The following ZDHHC18 variants were observed in gnomAD, a reference collection of about 807,000 sequenced individuals.
ZDHHC18 encodes palmitoyltransferase ZDHHC18.
A neutral mutation model predicts 37.5 loss-of-function variants in ZDHHC18; 23 were observed. The ratio of observed to expected loss-of-function variants is 0.61; its 90% CI spans 0.44 to 0.87. ZDHHC18 has a LOEUF of 0.87. Ranked by LOEUF, ZDHHC18 falls within the 40% of genes least tolerant of loss-of-function variation. The pLI, the probability that ZDHHC18 is intolerant of heterozygous loss-of-function variation, is 0.00. For missense variants in ZDHHC18, 406 were observed against 525.6 expected (o/e 0.77, Z 2.22); for synonymous variants, 185 against 218.7 (o/e 0.85, Z 1.36).
At chr1:26,842,508 T>C (rs1304158408) in intron 2 of ZDHHC18, among the ~76,000 whole-genome samples, 1 of 152,256 alleles carries the variant, frequency 6.6e-6, no homozygotes, top group Non-Finnish European at 1.5e-5. Flanking sequence ...TCATTAGCTA[T>C]TCTACCTGTT....
In ZDHHC18 at chr1:26,852,854, C is replaced by G. The variant is rs1401362749; in HGVS notation, c.1038C>G (p.Pro346=). 2 of 1,613,926 alleles carry G rather than the reference C, an allele frequency of 1.2e-6. No homozygotes were observed. The highest frequency in any genetic ancestry group is 2.2e-5 in the South Asian group (2 of 91,084). The change falls in exon 7 of 8, where the codon CCC becomes CCG. Residue 346 remains proline (P), a synonymous_variant. Coordinates refer to ENST00000374142, the MANE Select transcript of ZDHHC18 (RefSeq NM_032283.3). The part of the protein sequence containing the change: ...ITNCCAVLCG[P]LPPSLIDRRG... ...ACTGCTGTGCTGTGCTCTGTGGCCCCCTACCTCCCAGGTAAGTGAGCGGGG... is the reference window on the plus strand; with the variant it reads ...ACTGCTGTGCTGTGCTCTGTGGCCCGCTACCTCCCAGGTAAGTGAGCGGGG...
intron 2 of ZDHHC18, among the ~76,000 whole-genome samples, chr1:26,837,439 CAT>C (rs1304157738): frequency 1.2e-4 from 18 of 146,222 alleles, no homozygotes; most frequent in Admixed American, 1.1e-3. Context: ...ATATATTTAA[CAT>C]ATTTAATATA....
chr1:26,837,301 T>G (rs948290943), intron 2 of ZDHHC18, among the ~76,000 whole-genome samples: 2 of 147,278 alleles, frequency 1.4e-5, no homozygotes, highest in African/African-American at 4.9e-5. Flanking sequence ...ATATATTTAC[T>G]ACATATGTAT....
Position 26,826,946 on chromosome 1 carries a change from T to C in ZDHHC18, c.142T>C (p.Trp48Arg). The change falls in exon 1 of 8, where the codon TGG becomes CGG. Residue 48 changes from tryptophan to arginine, a missense_variant. Trp to Arg is a moderately radical substitution (Grantham distance 101). Coordinates refer to ENST00000374142, the MANE Select transcript of ZDHHC18 (RefSeq NM_032283.3). This position sits in a 1 kb window ranked among gnomAD's most constrained non-coding sequence, Gnocchi z 5.2. ...GCCCGCCGCCCCCGCCCCGCCGCGC[T>C]GGAGCAGCAGCGGCAGCGGCAGCGG... ...APPAAPAPPR[W>R]SSSGSGSGSG... The C allele has an allele frequency of 8.5e-7, 1 of 1,174,136 alleles. No individual in the cohort carries two copies. The allele number at this position is 1,174,136 out of a possible 1,614,324, so 72.7% of individuals were successfully genotyped here.
At position 26,855,180 on chromosome 1, in the gene ZDHHC18, G is replaced by A. The variant is rs1430308913; in HGVS notation, c.*1337G>A. On this transcript the variant is annotated 3_prime_UTR_variant, in exon 8 of 8. Transcript: ENST00000374142. ...CGTGGTGGGTGGGGTGATGGCTCTG[G>A]GGAGCGGCTGCCATCCTACAAGCCA... is the stretch of plus-strand genomic sequence containing the variant. The A allele has an allele frequency of 6.6e-6, 1 of 152,280 alleles. No homozygotes were observed. The highest frequency in any genetic ancestry group is 1.5e-5 in the Non-Finnish European group (1 of 68,094). 9.4% of individuals were successfully genotyped at this position (152,280 alleles called of 1,614,324 possible).
rs748911890 is a variant in ZDHHC18 at position 26,852,852 on chromosome 1, C to A, written c.1036C>A (p.Pro346Thr). The A allele has an allele frequency of 8.7e-6, 14 of 1,613,748 alleles. No homozygotes were observed. In the African/African-American group the frequency reaches 1.1e-4, roughly 12 times the overall value. The stretch of plus-strand genomic sequence containing the variant: ...CAACTGCTGTGCTGTGCTCTGTGGC[C>A]CCCTACCTCCCAGGTAAGTGAGCGG... ...ITNCCAVLCG[P>T]LPPSLIDRRG... The change falls in exon 7 of 8, where the codon CCC becomes ACC. Residue 346 changes from proline (P) to threonine (T), a missense_variant. Coordinates refer to ENST00000374142, the MANE Select transcript of ZDHHC18 (RefSeq NM_032283.3).
intron 2 of ZDHHC18, among the ~76,000 whole-genome samples, chr1:26,847,941 T>C (rs2081680587): frequency 6.6e-6 from 1 of 152,230 alleles, no homozygotes; most frequent in Non-Finnish European, 1.5e-5. Flanking sequence ...TTTTTCCTCA[T>C]TGTGTTACTC....
rs67399497 is a variant in ZDHHC18 at position 26,830,770 on chromosome 1, T to TTTG, written c.336-1649_336-1647dup. ...AGGAGCTTATGTTTTTTTATGTTTGTTTGTTGTTGTTGTTGTTGTTGTTGT... is the reference window on the plus strand; with the variant it reads ...AGGAGCTTATGTTTTTTTATGTTTGTTTGTTGTTGTTGTTGTTGTTGTTGTTGT... On this transcript the variant is annotated intron_variant, in intron 1 of 7. Transcript: ENST00000374142. Among the ~76,000 whole-genome samples, 543 of 150,552 alleles carry TTTG rather than the reference T, an allele frequency of 3.6e-3. 4 individuals carry two copies. The highest frequency in any genetic ancestry group is 0.011 in the African/African-American group (446 of 40,930).
At chr1:26,827,471 C>T (rs1005641317) in intron 1 of ZDHHC18, among the ~76,000 whole-genome samples, 5 of 152,092 alleles carry the variant, frequency 3.3e-5, no homozygotes, top group South Asian at 2.1e-4. Flanking sequence ...TCCACGGCCC[C>T]CATCCTCGCT....
At chr1:26,834,748 G>T (rs1016624418) in intron 2 of ZDHHC18, among the ~76,000 whole-genome samples, 1 of 152,232 alleles carries the variant, frequency 6.6e-6, no homozygotes, top group Non-Finnish European at 1.5e-5. Context: ...GGCCCTCCTT[G>T]CTCTGTCAGG....
Position 26,852,811 on chromosome 1 carries a change from A to T in ZDHHC18, c.995A>T (p.His332Leu). The part of the protein sequence containing the change: ...GGEASVNPYS[H>L]KSIITNCCAV... ...GAGGCCTCTGTCAACCCCTACAGCC[A>T]TAAAAGTATTATCACCAACTGCTGT... Residue 332 changes from histidine (H) to leucine (L), a missense_variant, in exon 7 of 8, where the codon CAT becomes CTT. Transcript: ENST00000374142. 1 of 1,614,098 alleles carries T rather than the reference A, an allele frequency of 6.2e-7. No homozygotes were observed. The highest frequency in any genetic ancestry group is 8.5e-7 in the Non-Finnish European group (1 of 1,179,978).
intron 1 of ZDHHC18, among the ~76,000 whole-genome samples, chr1:26,827,762 G>T (rs1471636105): frequency 1.3e-5 from 2 of 152,020 alleles, no homozygotes; most frequent in Non-Finnish European, 2.9e-5. Flanking sequence ...AGGCCCCAAG[G>T]CATCTTTTCT....
Position 26,851,123 on chromosome 1 carries a change from C to T in ZDHHC18, c.834-6C>T. The T allele has an allele frequency of 6.2e-7, 1 of 1,613,934 alleles. No individual in the cohort carries two copies. The highest frequency in any genetic ancestry group is 8.5e-7 in the Non-Finnish European group (1 of 1,179,806). On this transcript the variant is annotated splice_region_variant and splice_polypyrimidine_tract_variant and intron_variant, in intron 5 of 7. Transcript: ENST00000374142. ...TCCACCCATTGAAGTCCTTAACTGC[C>T]CTCACCGTGCTGGAGTTGGTGATCT...
chr1:26,853,893 A>G lies in ZDHHC18; in HGVS notation c.*50A>G. The G allele has an allele frequency of 6.7e-7, 1 of 1,493,192 alleles. No individual in the cohort carries two copies. The highest frequency in any genetic ancestry group is 1.7e-5 in the Admixed American group (1 of 59,220). 92.5% of individuals were successfully genotyped at this position (1,493,192 alleles called of 1,614,324 possible). A position where few individuals can be genotyped will look rare whatever the true frequency, so the allele number is the denominator to read the frequency against. On this transcript the variant is annotated 3_prime_UTR_variant, in exon 8 of 8. Coordinates refer to ENST00000374142, the MANE Select transcript of ZDHHC18 (RefSeq NM_032283.3). The stretch of plus-strand genomic sequence containing the variant: ...CTGGCCTGTCTGACCCTCCGCACTC[A>G]CCTGCCGGGACCCTCCCTATTCCAT...
chr1:26,851,140 T>G lies in ZDHHC18; in HGVS notation c.845T>G (p.Leu282Trp). The change falls in exon 6 of 8, where the codon TTG becomes TGG. Residue 282 changes from leucine to tryptophan, a missense_variant. Physicochemically the swap from Leu to Trp is moderately conservative, Grantham distance 61 (BLOSUM62 -2). Coordinates refer to ENST00000374142, the MANE Select transcript of ZDHHC18 (RefSeq NM_032283.3). ...TTAACTGCCCTCACCGTGCTGGAGT[T>G]GGTGATCTGCTTCTTCTCCATCTGG... ...LKETPASVLE[L>W]VICFFSIWSI... 6.2e-7 allele frequency: 1 copy of G among 1,614,204 alleles called. No individual in the cohort carries two copies. Among genetic ancestry groups the G allele is most frequent in the South Asian group, 1.1e-5 (1 of 91,088 alleles).
chr1:26,850,909 G>A lies in ZDHHC18; in HGVS notation c.834-220G>A, dbSNP rs558282756. ...ATTGGAACCCTCAGTTTTCTCTGCC[G>A]TCCATCACCCTGACCTTGTCTGGCT... On this transcript the variant is annotated intron_variant, in intron 5 of 7. Transcript: ENST00000374142. This position sits in a 1 kb window ranked among gnomAD's most constrained non-coding sequence, Gnocchi z 6.1. Among the ~76,000 whole-genome samples, 2 of 152,244 alleles carry A rather than the reference G, an allele frequency of 1.3e-5. No individual in the cohort carries two copies. The highest frequency in any genetic ancestry group is 4.2e-4 in the South Asian group (2 of 4,818).
rs201031285 is a variant in ZDHHC18, at chr1:26,837,252, CA to C, written c.496+4653del. Among the ~76,000 whole-genome samples, 70 of 126,360 alleles carry C rather than the reference CA, an allele frequency of 5.5e-4. 1 individual carries two copies. Among genetic ancestry groups the C allele is most frequent in the Non-Finnish European group, 9.3e-4 (56 of 60,324 alleles). 82.9% of individuals were successfully genotyped at this position (126,360 alleles called of 152,430 possible). On this transcript the variant is annotated intron_variant, in intron 2 of 7. Transcript: ENST00000374142. ...TGGGCGACAGAGTGAGACTCTGTCTCAAAAAAAATATATATATATATATATA... is the reference window on the plus strand; with the variant it reads ...TGGGCGACAGAGTGAGACTCTGTCTCAAAAAAATATATATATATATATATA...
At position 26,850,786 on chromosome 1, in the gene ZDHHC18, G is replaced by A. The variant is rs141336082; in HGVS notation, c.833+180G>A. ...AAGAGCTGATCCTAAATGGGGCATTGTGGGGCCGGGGGTTCCTCGTCTTCA... is the reference window on the plus strand; with the variant it reads ...AAGAGCTGATCCTAAATGGGGCATTATGGGGCCGGGGGTTCCTCGTCTTCA... On this transcript the variant is annotated intron_variant, in intron 5 of 7. Coordinates refer to ENST00000374142, the MANE Select transcript of ZDHHC18 (RefSeq NM_032283.3). This position sits in a 1 kb window ranked among gnomAD's most constrained non-coding sequence, Gnocchi z 6.1. 6.6e-6 allele frequency among the ~76,000 whole-genome samples: 1 copy of A among 152,202 alleles called. No individual in the cohort carries two copies. Among genetic ancestry groups the A allele is most frequent in the African/African-American group, 2.4e-5 (1 of 41,446 alleles).
chr1:26,840,022 GC>G (rs2081630312), intron 2 of ZDHHC18, among the ~76,000 whole-genome samples: 1 of 152,222 alleles, frequency 6.6e-6, no homozygotes, highest in African/African-American at 2.4e-5. Context: ...CTGGCTCCTG[GC>G]AGCCTCAGGA....
Sources: gnomAD v4.1 joint callset for allele counts (sites outside exome capture counted in the v4.1 genomes callset) on GRCh38, gnomAD v4.1.1 for gene constraint, Gnocchi (gnomAD v3.1) non-coding constraint, MANE v1.5 for transcripts, NCBI Gene and HGNC (gene_info 2026-07-23, HGNC 2026-07-21) for gene names.